The following USO1 variants were observed in gnomAD, a reference collection of about 807,000 sequenced individuals.
USO1 encodes USO1 vesicle transport factor.
Under a neutral mutation model 124.5 loss-of-function variants are expected in USO1, and 57 were observed. The ratio of observed to expected loss-of-function variants is 0.46; its 90% CI spans 0.37 to 0.57. The LOEUF is 0.57. Among genes scored for constraint, USO1 ranks in the 20% least tolerant of loss-of-function variants. USO1 has a pLI of 0.00. For synonymous variants in USO1, 369 were observed against 362.8 expected, an observed-to-expected ratio of 1.02 and a Z score of -0.19; for missense variants, 900 against 1,040.6, an observed-to-expected ratio of 0.86 and a Z score of 1.86.
At position 75,783,325 on chromosome 4, in the gene USO1, C is replaced by T. The variant is rs552914832; in HGVS notation, c.855+467C>T. The stretch of plus-strand genomic sequence containing the variant: ...GAAATAAATGATCATGTCCTGCCCC[C>T]AAAGATGATTAGTCTGAGTTTTAAG... On this transcript the variant is annotated intron_variant, in intron 9 of 23. Coordinates refer to ENST00000514213, the MANE Select transcript of USO1 (RefSeq NM_003715.4). Among the ~76,000 whole-genome samples, 5 of 152,270 alleles carry T rather than the reference C, an allele frequency of 3.3e-5. No homozygotes were observed. The East Asian group carries it at 9.6e-4, about 29-fold the overall frequency.
intron 1 of USO1, among the ~76,000 whole-genome samples, chr4:75,743,821 G>GGCTGGAGT (rs1721036528): frequency 6.6e-6 from 1 of 151,988 alleles, no homozygotes; most frequent in African/African-American, 2.4e-5. Flanking sequence ...CTGTCACCTA[G>GGCTGGAGT]GCTGGAGTGC....
intron 18 of USO1, 131 bp downstream of exon 18, chr4:75,804,403 G>A (rs961779154): frequency 1.8e-5 from 25 of 1,357,290 alleles, no homozygotes; most frequent in Middle Eastern, 2.0e-4. Context: ...AATGTAAATC[G>A]GAGTTTAAAG....
intron 4 of USO1, among the ~76,000 whole-genome samples, chr4:75,765,824 A>G (rs560322118): frequency 2.0e-4 from 30 of 152,244 alleles, no homozygotes; most frequent in African/African-American, 6.7e-4. Context: ...AATCCACTCT[A>G]GTTATGTTTG....
In USO1 at chr4:75,801,338, TCAA is replaced by T; in HGVS notation, c.1986+142_1986+144del. ...ATCATTTTTCAAAGCATCTGAGTAT[TCAA>T]CAAACAGAGTGCTTAATATGTGCTA... On this transcript the variant is annotated intron_variant, in intron 17 of 23. Coordinates refer to ENST00000514213, the MANE Select transcript of USO1 (RefSeq NM_003715.4). 2.9e-6 allele frequency: 3 copies of T among 1,044,890 alleles called. No individual in the cohort carries two copies. In the South Asian group the frequency reaches 8.7e-5, roughly 30 times the overall value. 64.7% of individuals were successfully genotyped at this position (1,044,890 alleles called of 1,614,324 possible). A position where few individuals can be genotyped will look rare whatever the true frequency, so the allele number is the denominator to read the frequency against.
Position 75,739,669 on chromosome 4 carries a change from C to A in USO1, c.67-12704C>A, listed in dbSNP as rs570403362. Among the ~76,000 whole-genome samples the A allele has an allele frequency of 2.6e-4, 39 of 151,216 alleles. 1 individual carries two copies. The highest frequency in any genetic ancestry group is 9.3e-4 in the Admixed American group (14 of 15,086). ...TTAAGTGATTCTCCTGCCTCACCCT[C>A]CTGAGTAGCTGGGTTTACAGTCATG... On this transcript the variant is annotated intron_variant, in intron 1 of 23. Coordinates refer to ENST00000514213, the MANE Select transcript of USO1 (RefSeq NM_003715.4).
At chr4:75,749,751 CTT>C (rs1408641001) in intron 1 of USO1, among the ~76,000 whole-genome samples, 1 of 137,776 alleles carries the variant, frequency 7.3e-6, no homozygotes, top group South Asian at 2.3e-4. Flanking sequence ...AAACTATGTT[CTT>C]TTTTTTTTTT....
chr4:75,790,593 T>C (rs1462187944), intron 11 of USO1, 50 bp from the exon 12 acceptor site: 3 of 1,571,528 alleles, frequency 1.9e-6, no homozygotes, highest in East Asian at 2.3e-5. Context: ...TTGACTTGTA[T>C]ACTTGGGTTG....
intron 1 of USO1, chr4:75,745,483 G>C (rs749219236): frequency 2.6e-6 from 1 of 384,060 alleles, no homozygotes; most frequent in Non-Finnish European, 5.2e-6. Context: ...AGGAGAAAGA[G>C]TATGGACTTT....
At chr4:75,728,101 A>G (rs1720515894) in intron 1 of USO1, among the ~76,000 whole-genome samples, 1 of 152,228 alleles carries the variant, frequency 6.6e-6, no homozygotes, top group Non-Finnish European at 1.5e-5. Flanking sequence ...TTACGTTACT[A>G]GGTACTAAAA....
intron 18 of USO1, 168 bp from the exon 19 acceptor site, chr4:75,804,972 A>G (rs1378663031): frequency 7.5e-6 from 6 of 796,676 alleles, no homozygotes; most frequent in Non-Finnish European, 1.1e-5. Context: ...GGAAAATACT[A>G]TCAGTTCACT....
At chr4:75,810,283 C>A in intron 21 of USO1, 149 bp from the exon 22 acceptor site, 1 of 819,334 alleles carries the variant, frequency 1.2e-6, no homozygotes, top group South Asian at 2.4e-5. Flanking sequence ...CAGTGGAGAG[C>A]ACTTTGTTGC....
intron 1 of USO1, among the ~76,000 whole-genome samples, chr4:75,735,979 A>G (rs529577564): frequency 6.6e-6 from 1 of 152,230 alleles, no homozygotes; most frequent in Non-Finnish European, 1.5e-5. Context: ...TATAATTCTG[A>G]TTATGCCCAA....
Position 75,814,200 on chromosome 4 carries a change from A to G in USO1, c.*905A>G, listed in dbSNP as rs1723228719. ...ATTTAATGTTTCATAATAAAAATAG[A>G]TACGTTGACTTAATCCTTGGTCATG... On this transcript the variant is annotated 3_prime_UTR_variant, in exon 24 of 24. Transcript: ENST00000514213. The G allele has an allele frequency of 6.6e-6, 1 of 152,252 alleles. No homozygotes were observed. The highest frequency in any genetic ancestry group is 1.5e-5 in the Non-Finnish European group (1 of 68,052). The allele number at this position is 152,252 out of a possible 1,614,324, so 9.4% of individuals were successfully genotyped here.
At chr4:75,739,656 C>G (rs1394923246) in intron 1 of USO1, among the ~76,000 whole-genome samples, 1 of 147,732 alleles carries the variant, frequency 6.8e-6, no homozygotes, top group Admixed American at 7.0e-5. Flanking sequence ...AAGTGATTCT[C>G]CTGCCTCACC....
At chr4:75,767,187 C>T (rs1378929724) in intron 4 of USO1, among the ~76,000 whole-genome samples, 2 of 152,116 alleles carry the variant, frequency 1.3e-5, no homozygotes. Context: ...TTCCCCCTTC[C>T]CTCCCTTGTT....
chr4:75,806,987 A>G (rs1560462844), intron 20 of USO1, among the ~76,000 whole-genome samples: 1 of 152,158 alleles, frequency 6.6e-6, no homozygotes. Context: ...GGAAAAGAGA[A>G]GAAAGGTAAA....
intron 3 of USO1, among the ~76,000 whole-genome samples, chr4:75,755,958 C>G (rs186586075): frequency 6.6e-6 from 1 of 152,156 alleles, no homozygotes; most frequent in Admixed American, 6.5e-5. Context: ...ATCCCAAGGT[C>G]AGGAGATCGA....
chr4:75,793,763 G>A lies in USO1; in HGVS notation c.1314G>A (p.Trp438Ter), dbSNP rs749114835. 6.2e-7 allele frequency: 1 copy of A among 1,613,814 alleles called. No individual in the cohort carries two copies. Among genetic ancestry groups the A allele is most frequent in the Admixed American group, 1.7e-5 (1 of 60,004 alleles). ...TTTCTACTGATTCACTTTCAAACTGGTGTGCTGCTGTGGCCCTTGCCCATG... is the reference window on the plus strand; with the variant it reads ...TTTCTACTGATTCACTTTCAAACTGATGTGCTGCTGTGGCCCTTGCCCATG... ...GLFSTDSLSN[W>*]CAAVALAHAL... The change falls in exon 13 of 24, where the codon TGG becomes TGA. Residue 438 changes from tryptophan (W) to a stop codon, truncating the protein, a stop_gained. Transcript: ENST00000514213. LOFTEE classifies it high-confidence loss of function.
intron 12 of USO1, among the ~76,000 whole-genome samples, chr4:75,792,038 T>TA (rs11436041): frequency 7.9e-5 from 12 of 151,688 alleles, no homozygotes; most frequent in South Asian, 2.1e-4. Flanking sequence ...TTTTTTTTTT[T>TA]AACATTCCTT....
Sources: allele counts gnomAD v4.1 joint callset (sites outside exome capture counted in the v4.1 genomes callset), GRCh38; gene constraint gnomAD v4.1.1; transcripts MANE v1.5; gene names NCBI Gene and HGNC (gene_info 2026-07-23, HGNC 2026-07-21).